Variants in SYNPR observed in about 807,000 individuals in gnomAD.
SYNPR encodes synaptoporin.
SYNPR carries 23 observed loss-of-function variants against 32.9 expected under a neutral mutation model. The observed-to-expected ratio is 0.70, with a 90% CI of 0.50 to 0.99. The LOEUF (loss-of-function observed/expected upper bound fraction) is 0.99, where lower values mean the gene tolerates loss of function less well. Ranked by LOEUF, SYNPR falls within the 50% of genes least tolerant of loss-of-function variation. The probability of loss-of-function intolerance (pLI) is 0.00; values close to 1 mark genes in which losing one functional copy is unlikely to be tolerated. For missense variants in SYNPR, 318 were observed against 349.3 expected (o/e 0.91, Z 0.71); for synonymous variants, 146 against 135.9 (o/e 1.07, Z -0.52).
upstream of SYNPR, among the ~76,000 whole-genome samples, chr3:63,274,729 T>C (rs2106911855): frequency 6.6e-6 from 1 of 152,316 alleles, no homozygotes; most frequent in East Asian, 1.9e-4. Flanking sequence ...ATTGACATTT[T>C]CCAGATAATT....
At chr3:63,494,633 CA>C (rs1701338518) in intron 3 of SYNPR, among the ~76,000 whole-genome samples, 1 of 151,394 alleles carries the variant, frequency 6.6e-6, no homozygotes, top group South Asian at 2.1e-4. Context: ...CAGTGGAAAT[CA>C]CATAACACAT....
chr3:63,607,694 G>A (rs141533410), intron 4 of SYNPR, among the ~76,000 whole-genome samples: 28 of 152,304 alleles, frequency 1.8e-4, no homozygotes, highest in East Asian at 5.8e-4. Context: ...GGTCAGTTAC[G>A]TAATTCACAA....
intron 2 of SYNPR, among the ~76,000 whole-genome samples, chr3:63,463,440 C>T (rs1217583145): frequency 2.0e-5 from 3 of 152,062 alleles, no homozygotes; most frequent in Non-Finnish European, 4.4e-5. Context: ...TGGAAAGTTC[C>T]TTGGAAATAG....
intron 2 of SYNPR, among the ~76,000 whole-genome samples, chr3:63,359,043 C>T (rs938804302): frequency 1.3e-5 from 2 of 151,974 alleles, no homozygotes; most frequent in African/African-American, 2.4e-5. Flanking sequence ...ATTGTTGAAA[C>T]GTTTTACTTT....
intron 2 of SYNPR, among the ~76,000 whole-genome samples, chr3:63,406,571 C>T (rs955521685): frequency 8.6e-5 from 13 of 151,920 alleles, no homozygotes; most frequent in Non-Finnish European, 1.0e-4. Flanking sequence ...ATTCTCTCTC[C>T]GTGGCACATT....
chr3:63,404,422 T>C (rs2088332413), intron 2 of SYNPR, among the ~76,000 whole-genome samples: 2 of 152,172 alleles, frequency 1.3e-5, no homozygotes, highest in Admixed American at 6.5e-5. Flanking sequence ...AGGAAAATCA[T>C]AAAAAATGTT....
At chr3:63,211,549 A>G in the SYNPR span, among the ~76,000 whole-genome samples, 1 of 152,112 alleles carries the variant, frequency 6.6e-6, no homozygotes, top group African/African-American at 2.4e-5. Context: ...TCTCTCCTCT[A>G]GTTTCCATCT....
intron 2 of SYNPR, among the ~76,000 whole-genome samples, chr3:63,348,312 C>A (rs2087462824): frequency 6.6e-6 from 1 of 152,018 alleles, no homozygotes; most frequent in South Asian, 2.1e-4. Context: ...TGCTTGTTGA[C>A]CATTTACATG....
At chr3:63,507,016 C>G (rs988645486) in intron 3 of SYNPR, among the ~76,000 whole-genome samples, 2 of 151,856 alleles carry the variant, frequency 1.3e-5, no homozygotes, top group African/African-American at 4.8e-5. Flanking sequence ...GCTACTCAGC[C>G]CTATGAAGAA....
At position 63,400,618 on chromosome 3, in the gene SYNPR, G is replaced by A. The variant is rs941905188; in HGVS notation, c.85-80214G>A. Among the ~76,000 whole-genome samples, 4 of 152,292 alleles carry A rather than the reference G, an allele frequency of 2.6e-5. No homozygotes were observed. In the South Asian group the frequency reaches 6.2e-4, roughly 24 times the overall value. ...CAGTGCCTTTTTCGAGATAACCTGG[G>A]AAGTCATACACCATTGCTGTCATGA... On this transcript the variant is annotated intron_variant, in intron 2 of 5. Transcript: ENST00000478300.
intron 2 of SYNPR, chr3:63,444,152 C>T (rs1446570966): frequency 2.6e-5 from 4 of 152,140 alleles, no homozygotes; most frequent in Admixed American, 6.5e-5. Context: ...ATGCCCAGTC[C>T]GGGCTCCTGT....
chr3:63,346,982 C>T (rs758346600), intron 2 of SYNPR, among the ~76,000 whole-genome samples: 6 of 152,122 alleles, frequency 3.9e-5, no homozygotes, highest in Admixed American at 6.5e-5. Context: ...AACAGTCTTT[C>T]GTGCAGCCAT....
chr3:63,479,445 T>TGCGCGCGC (rs10647350), intron 2 of SYNPR, among the ~76,000 whole-genome samples: 1 of 97,992 alleles, frequency 1.0e-5, no homozygotes, highest in Non-Finnish European at 2.4e-5. Flanking sequence ...GCCACACACA[T>TGCGCGCGC]GCACACACAC....
rs67609911 is a variant in SYNPR, at chr3:63,350,213, TAC to T, written c.84+71499_84+71500del. 5.0e-3 allele frequency among the ~76,000 whole-genome samples: 728 copies of T among 144,528 alleles called. 4 individuals carry two copies. The highest frequency in any genetic ancestry group is 0.015 in the East Asian group (73 of 5,020). The allele number at this position is 144,528 out of a possible 152,430, so 94.8% of individuals were successfully genotyped here. On this transcript the variant is annotated intron_variant, in intron 2 of 5. Coordinates refer to ENST00000478300, the MANE Select transcript of SYNPR (RefSeq NM_001130003.2). ...AAACAGGTAGAGGTTAATATTATTCTACACACACACACACACACACACACACA... is the reference window on the plus strand; with the variant it reads ...AAACAGGTAGAGGTTAATATTATTCTACACACACACACACACACACACACA...
intron 2 of SYNPR, among the ~76,000 whole-genome samples, chr3:63,432,216 C>G (rs1160900343): frequency 1.3e-5 from 2 of 152,168 alleles, no homozygotes; most frequent in Admixed American, 6.5e-5. Flanking sequence ...CCCTTCATTT[C>G]CCTGTCTCAA....
intron 2 of SYNPR, among the ~76,000 whole-genome samples, chr3:63,344,278 T>TGGGGG (rs1254511329): frequency 6.6e-6 from 1 of 152,202 alleles, no homozygotes; most frequent in East Asian, 1.9e-4. Flanking sequence ...CCCAGTTGTC[T>TGGGGG]GCTGCACTTC....
chr3:63,555,664 G>A (rs1702583499), intron 3 of SYNPR, among the ~76,000 whole-genome samples: 1 of 152,056 alleles, frequency 6.6e-6, no homozygotes, highest in Admixed American at 6.5e-5. Flanking sequence ...ATCAAATTAT[G>A]ATCTATCAGT....
At chr3:63,470,056 G>A (rs1021110586) in intron 2 of SYNPR, among the ~76,000 whole-genome samples, 3 of 152,126 alleles carry the variant, frequency 2.0e-5, no homozygotes, top group African/African-American at 7.2e-5. Flanking sequence ...CTTATTGGAA[G>A]ACATTGCAAT....
intron 2 of SYNPR, among the ~76,000 whole-genome samples, chr3:63,263,512 A>G (rs2086456357): frequency 6.6e-6 from 1 of 152,230 alleles, no homozygotes; most frequent in Non-Finnish European, 1.5e-5. Context: ...ACAGTCATTT[A>G]TTTAGCTCAT....
Sources: allele counts gnomAD v4.1 joint callset (sites outside exome capture counted in the v4.1 genomes callset), GRCh38; gene constraint gnomAD v4.1.1; transcripts MANE v1.5; gene names NCBI Gene and HGNC (gene_info 2026-07-23, HGNC 2026-07-21).